Variants in GRIK2 observed in about 807,000 individuals in gnomAD.
GRIK2 encodes glutamate ionotropic receptor kainate type subunit 2.
Under a neutral mutation model 100.3 loss-of-function variants are expected in GRIK2, and 32 were observed. The observed-to-expected ratio is 0.32, with a 90% CI of 0.24 to 0.43. GRIK2 has a LOEUF of 0.43. Ranked by LOEUF, GRIK2 falls within the 20% of genes least tolerant of loss-of-function variation. The pLI, the probability that GRIK2 is intolerant of heterozygous loss-of-function variation, is 1.00. For missense variants in GRIK2, 843 were observed against 1,114.9 expected (o/e 0.76, Z 3.47); for synonymous variants, 417 against 389.4 (o/e 1.07, Z -0.83).
At chr6:101,525,364 A>C (rs952962701) in intron 2 of GRIK2, among the ~76,000 whole-genome samples, 2 of 152,208 alleles carry the variant, frequency 1.3e-5, no homozygotes, top group African/African-American at 2.4e-5. Context: ...TAAGACAGCT[A>C]TGTGAGTTAC....
rs1049871318 is a variant in GRIK2 at position 102,065,112 on chromosome 6, G to A, written c.2563-3235G>A. On this transcript the variant is annotated intron_variant, in intron 16 of 16. Transcript: ENST00000369134. Reference sequence around the variant, plus strand: ...TTGTCATTATGTAATCGAGACCATTGATTGACTTATGAAAGATTGCTTGAT... The same window carrying A: ...TTGTCATTATGTAATCGAGACCATTAATTGACTTATGAAAGATTGCTTGAT... Among the ~76,000 whole-genome samples, 3 of 151,130 alleles carry A rather than the reference G, an allele frequency of 2.0e-5. No homozygotes were observed. In the East Asian group the frequency reaches 5.8e-4, roughly 29 times the overall value.
intron 14 of GRIK2, among the ~76,000 whole-genome samples, chr6:101,967,604 G>A (rs1582635023): frequency 6.6e-6 from 1 of 151,970 alleles, no homozygotes; most frequent in South Asian, 2.1e-4. Flanking sequence ...CTTCAGTCAC[G>A]GGTCAAAAGT....
chr6:101,677,524 C>G (rs1249968280), intron 5 of GRIK2, among the ~76,000 whole-genome samples: 1 of 152,078 alleles, frequency 6.6e-6, no homozygotes, highest in Non-Finnish European at 1.5e-5. Flanking sequence ...TAACAGCAAA[C>G]TGGAAAACAG....
intron 15 of GRIK2, among the ~76,000 whole-genome samples, chr6:102,035,981 C>T (rs527589095): frequency 6.6e-5 from 10 of 151,146 alleles, no homozygotes; most frequent in Non-Finnish European, 1.2e-4. Context: ...ATAAATGGCT[C>T]TCATGAATAT....
At chr6:102,046,293 A>G (rs1451625927) in intron 15 of GRIK2, among the ~76,000 whole-genome samples, 1 of 152,014 alleles carries the variant, frequency 6.6e-6, no homozygotes, top group East Asian at 1.9e-4. Context: ...TTAACAAGAA[A>G]ATACTGGGCT....
At chr6:102,009,352 T>C (rs1321291476) in intron 14 of GRIK2, among the ~76,000 whole-genome samples, 1 of 152,138 alleles carries the variant, frequency 6.6e-6, no homozygotes, top group African/African-American at 2.4e-5. Context: ...TCTAGTTGTT[T>C]AAATTTAAGA....
intron 2 of GRIK2, among the ~76,000 whole-genome samples, chr6:101,590,034 A>G (rs1046835113): frequency 2.0e-5 from 3 of 151,996 alleles, no homozygotes; most frequent in African/African-American, 7.2e-5. Context: ...ATAAAACTGT[A>G]TTTTCCTGTC....
intron 7 of GRIK2, among the ~76,000 whole-genome samples, chr6:101,735,847 C>A (rs1775596713): frequency 6.6e-6 from 1 of 152,200 alleles, no homozygotes; most frequent in Admixed American, 6.5e-5. Flanking sequence ...TCAGCACTAA[C>A]TCAAAAGTTC....
At chr6:102,001,021 A>T (rs1794909330) in intron 14 of GRIK2, among the ~76,000 whole-genome samples, 1 of 151,964 alleles carries the variant, frequency 6.6e-6, no homozygotes, top group Middle Eastern at 3.2e-3. Flanking sequence ...TAAAATATAT[A>T]ATTGAGCTGA....
chr6:101,492,953 G>A (rs961540019), intron 2 of GRIK2, among the ~76,000 whole-genome samples: 6 of 151,780 alleles, frequency 4.0e-5, no homozygotes, highest in Non-Finnish European at 8.8e-5. Context: ...AAATAAACCG[G>A]CAGGTTTGAA....
At chr6:101,973,476 A>T (rs1793183605) in intron 14 of GRIK2, among the ~76,000 whole-genome samples, 1 of 151,944 alleles carries the variant, frequency 6.6e-6, no homozygotes, top group African/African-American at 2.4e-5. Flanking sequence ...AATGCAAGAC[A>T]TAGAAAGATT....
intron 2 of GRIK2, among the ~76,000 whole-genome samples, chr6:101,479,935 T>G (rs1275274151): frequency 6.6e-6 from 1 of 152,156 alleles, no homozygotes; most frequent in Admixed American, 6.5e-5. Context: ...ACAGTATATT[T>G]AATAGGGAGA....
rs761838279 is a variant in GRIK2, at chr6:101,491,145, A to T, written c.115+91753A>T. Among the ~76,000 whole-genome samples the T allele has an allele frequency of 4.0e-5, 6 of 151,858 alleles. 1 individual carries two copies. Among genetic ancestry groups the T allele is most frequent in the Non-Finnish European group, 7.4e-5 (5 of 67,926 alleles). Reference sequence around the variant, plus strand: ...AAAAGTTGAATGGAATGCATCATCCATAAAGCTGTAACCTCAAGTGGCTAA... The same window carrying T: ...AAAAGTTGAATGGAATGCATCATCCTTAAAGCTGTAACCTCAAGTGGCTAA... On this transcript the variant is annotated intron_variant, in intron 2 of 16. Transcript: ENST00000369134.
chr6:102,030,502 CT>C (rs1769930199), intron 14 of GRIK2, among the ~76,000 whole-genome samples: 1 of 150,996 alleles, frequency 6.6e-6, no homozygotes, highest in Non-Finnish European at 1.5e-5. Context: ...AAGAGCTTCA[CT>C]CCCCTCAATT....
At position 101,914,060 on chromosome 6, in the gene GRIK2, G is replaced by A. The variant is rs145389431; in HGVS notation, c.1749-10541G>A. 3.3e-5 allele frequency among the ~76,000 whole-genome samples: 5 copies of A among 151,582 alleles called. No homozygotes were observed. The East Asian group carries it at 7.8e-4, about 24-fold the overall frequency. On this transcript the variant is annotated intron_variant, in intron 12 of 16. Coordinates refer to ENST00000369134, the MANE Select transcript of GRIK2 (RefSeq NM_021956.5). ...TGAGAGAATCAAAAGATAGGGAGAT[G>A]TGTTGGTTTGGAGGTAATTAGAGCC...
At chr6:101,838,876 C>T (rs1341806257) in intron 10 of GRIK2, among the ~76,000 whole-genome samples, 2 of 152,136 alleles carry the variant, frequency 1.3e-5, no homozygotes, top group Non-Finnish European at 2.9e-5. Flanking sequence ...TGGTCTCAAA[C>T]TCTTGACCTC....
chr6:101,749,143 CT>C (rs1470275628), intron 7 of GRIK2, among the ~76,000 whole-genome samples: 3 of 152,196 alleles, frequency 2.0e-5, no homozygotes, highest in African/African-American at 7.2e-5. Context: ...GAGTCTGCCT[CT>C]GTCACCCAGG....
chr6:101,749,365 C>T (rs1250732477), intron 7 of GRIK2, among the ~76,000 whole-genome samples: 1 of 151,914 alleles, frequency 6.6e-6, no homozygotes, highest in African/African-American at 2.4e-5. Flanking sequence ...TGTCTCGGCC[C>T]CCCAGATTGA....
intron 2 of GRIK2, among the ~76,000 whole-genome samples, chr6:101,590,260 C>A (rs1366819399): frequency 6.6e-6 from 1 of 152,080 alleles, no homozygotes; most frequent in Non-Finnish European, 1.5e-5. Flanking sequence ...GATACTGAAG[C>A]TGGGCCCTAC....
Sources: gnomAD v4.1 joint callset for allele counts (sites outside exome capture counted in the v4.1 genomes callset) on GRCh38, gnomAD v4.1.1 for gene constraint, MANE v1.5 for transcripts, NCBI Gene and HGNC (gene_info 2026-07-23, HGNC 2026-07-21) for gene names.